The following RPL19 variants were observed in gnomAD, a reference collection of about 807,000 sequenced individuals.
RPL19 encodes the protein ribosomal protein L19.
In RPL19, 2 loss-of-function variants were observed where a neutral mutation model predicts 25.1. The ratio of observed to expected loss-of-function variants is 0.08; its 90% CI spans 0.03 to 0.25. The LOEUF is 0.25. Ranked by LOEUF, RPL19 falls within the 10% of genes least tolerant of loss-of-function variation. RPL19 has a pLI of 1.00. For synonymous variants in RPL19, 89 were observed against 91.2 expected, an observed-to-expected ratio of 0.98 and a Z score of 0.14; for missense variants, 123 against 271.8, an observed-to-expected ratio of 0.45 and a Z score of 3.85.
intron 2 of RPL19, among the ~76,000 whole-genome samples, chr17:39,201,744 G>A (rs1387558343): frequency 6.6e-6 from 1 of 151,922 alleles, no homozygotes; most frequent in Admixed American, 6.6e-5. Flanking sequence ...GCTAATTTTT[G>A]TATCTTTAGT....
intron 2 of RPL19, among the ~76,000 whole-genome samples, 159 bp from the exon 3 acceptor site, chr17:39,202,158 T>C (rs1441485492): frequency 7.9e-5 from 12 of 151,782 alleles, no homozygotes; most frequent in Non-Finnish European, 1.3e-4. Context: ...AAGATAGAGG[T>C]TTTTTGGGTT....
At position 39,202,330 on chromosome 17, in the gene RPL19, G is replaced by A. The variant is rs538421498; in HGVS notation, c.126G>A (p.Arg42=). 6.2e-7 allele frequency: 1 copy of A among 1,613,922 alleles called. No individual in the cohort carries two copies. The highest frequency in any genetic ancestry group is 2.2e-5 in the East Asian group (1 of 44,886). The part of the protein sequence containing the change: ...IANANSRQQI[R]KLIKDGLIIR... ...ATGCTTTCCCAGGTCAGCAGATCCG[G>A]AAGCTCATCAAAGATGGGCTGATCA... Residue 42 remains arginine, a synonymous_variant, in exon 3 of 6, where the codon CGG becomes CGA. Transcript: ENST00000225430.
intron 2 of RPL19, among the ~76,000 whole-genome samples, chr17:39,201,911 G>A (rs1482125928): frequency 1.3e-5 from 2 of 152,150 alleles, no homozygotes; most frequent in Non-Finnish European, 2.9e-5. Context: ...TTCATTCAGA[G>A]TGTCTATAAA....
rs1056527617 is a variant in RPL19 at position 39,202,607 on chromosome 17, T to C, written c.235+168T>C. ...CAGAAAGTTGGTGCTGGTATTGGAATTGAGAGTATCCCTGGTAGGAGGTCA... is the reference window on the plus strand; with the variant it reads ...CAGAAAGTTGGTGCTGGTATTGGAACTGAGAGTATCCCTGGTAGGAGGTCA... On this transcript the variant is annotated intron_variant, in intron 3 of 5. Transcript: ENST00000225430. The C allele has an allele frequency of 5.0e-6, 4 of 807,332 alleles. No homozygotes were observed. The African/African-American group carries it at 5.2e-5, about 10-fold the overall frequency. 50.0% of individuals were successfully genotyped at this position (807,332 alleles called of 1,614,324 possible).
intron 3 of RPL19, 112 bp downstream of exon 3, chr17:39,202,551 T>C: frequency 7.4e-7 from 1 of 1,345,726 alleles, no homozygotes; most frequent in Non-Finnish European, 1.0e-6. Context: ...TACTCCTTGA[T>C]ATTTGATGTG....
intron 3 of RPL19, 84 bp downstream of exon 3, chr17:39,202,523 C>T (rs537050825): frequency 7.3e-6 from 11 of 1,509,860 alleles, no homozygotes; most frequent in South Asian, 4.6e-5. Flanking sequence ...CACTCTGTCT[C>T]ATCTTGAGCC....
rs1420440386 is a variant in RPL19, at chr17:39,204,181, T to A, written c.461T>A (p.Leu154His). ...KLKADKARKK[L>H]LADQAEARRS... ...AAGGCAGACAAGGCCCGCAAGAAGC[T>A]CCTGGCGTAAGTTTCTTTTCAGAGT... Residue 154 changes from leucine (L) to histidine (H), a missense_variant, in exon 5 of 6, where the codon CTC becomes CAC. By Grantham distance (99) the Leu-to-His change is moderately conservative (BLOSUM62 -3). Transcript: ENST00000225430. 6.3e-7 allele frequency: 1 copy of A among 1,597,198 alleles called. No homozygotes were observed. Among genetic ancestry groups the A allele is most frequent in the South Asian group, 1.1e-5 (1 of 90,728 alleles).
intron 4 of RPL19, among the ~76,000 whole-genome samples, chr17:39,203,357 A>G (rs2046303725): frequency 6.6e-6 from 1 of 151,168 alleles, no homozygotes; most frequent in Non-Finnish European, 1.5e-5. Flanking sequence ...AATTTTTTGC[A>G]TTTTTAGTAG....
rs113117296 is a variant in RPL19, at chr17:39,204,728, C to G, written c.*80C>G. On this transcript the variant is annotated 3_prime_UTR_variant, in exon 6 of 6. Transcript: ENST00000225430. ...TAAAATAAAACAAGCCTTAATCTGC[C>G]TTCCTCTCTGCTTCTTGCAAGGTTT... The G allele has an allele frequency of 1.4e-6, 2 of 1,403,222 alleles. No homozygotes were observed. The highest frequency in any genetic ancestry group is 2.0e-6 in the Non-Finnish European group (2 of 1,015,864). The allele number at this position is 1,403,222 out of a possible 1,614,324, so 86.9% of individuals were successfully genotyped here.
At chr17:39,202,745 A>G (rs2046299862) in intron 3 of RPL19, 1 of 433,412 alleles carries the variant, frequency 2.3e-6, no homozygotes, top group Non-Finnish European at 4.2e-6. Flanking sequence ...ACTGCCTGTT[A>G]CACCCACATT....
chr17:39,201,785 T>C (rs961446479), intron 2 of RPL19, among the ~76,000 whole-genome samples: 1 of 152,070 alleles, frequency 6.6e-6, no homozygotes, highest in African/African-American at 2.4e-5. Flanking sequence ...TTGGTCAGGC[T>C]GGTCTCAAAC....
rs1177049738 is a variant in RPL19 at position 39,204,531 on chromosome 17, G to A, written c.474G>A (p.Gln158=). Reference sequence around the variant, plus strand: ...TTTTCTCTTCCCTGACCAGTGACCAGGCTGAGGCCCGCAGGTCTAAGACCA... The same window carrying A: ...TTTTCTCTTCCCTGACCAGTGACCAAGCTGAGGCCCGCAGGTCTAAGACCA... ...DKARKKLLAD[Q]AEARRSKTKE... Residue 158 remains glutamine, a synonymous_variant, in exon 6 of 6, where the codon CAG becomes CAA. Transcript: ENST00000225430. 6.2e-7 allele frequency: 1 copy of A among 1,614,004 alleles called. No individual in the cohort carries two copies. The highest frequency in any genetic ancestry group is 8.5e-7 in the Non-Finnish European group (1 of 1,180,006).
intron 1 of RPL19, chr17:39,200,836 A>T (rs531749207): frequency 1.1e-6 from 1 of 900,728 alleles, no homozygotes; most frequent in East Asian, 8.2e-5. Context: ...CTGTGATAAA[A>T]CAGGGAAATA....
intron 3 of RPL19, 104 bp downstream of exon 3, chr17:39,202,543 C>A (rs1321435453): frequency 4.3e-6 from 6 of 1,400,478 alleles, no homozygotes; most frequent in East Asian, 4.6e-5. Flanking sequence ...CTGTTTCTTA[C>A]TCCTTGATAT....
At chr17:39,202,541 T>A in intron 3 of RPL19, 102 bp downstream of exon 3, 1 of 1,403,932 alleles carries the variant, frequency 7.1e-7, no homozygotes, top group South Asian at 1.2e-5. Context: ...GCCTGTTTCT[T>A]ACTCCTTGAT....
rs114724918 is a variant in RPL19, at chr17:39,200,795, A to G, written c.6-418A>G. The G allele has an allele frequency of 1.2e-3, 1,242 of 1,020,174 alleles. 7 individuals carry two copies. In the African/African-American group the frequency reaches 0.019, roughly 16 times the overall value. 63.2% of individuals were successfully genotyped at this position (1,020,174 alleles called of 1,614,324 possible). A position where few individuals can be genotyped will look rare whatever the true frequency, so the allele number is the denominator to read the frequency against. The stretch of plus-strand genomic sequence containing the variant: ...ACTCCTTTGGCCTCTCATAAAGGAA[A>G]TCTCTGCGAATAGCCGAACGAGGCT... On this transcript the variant is annotated intron_variant, in intron 1 of 5. Coordinates refer to ENST00000225430, the MANE Select transcript of RPL19 (RefSeq NM_000981.4).
Position 39,201,150 on chromosome 17 carries a change from G to A in RPL19, c.6-63G>A, listed in dbSNP as rs2046284945. 4.6e-6 allele frequency: 5 copies of A among 1,080,602 alleles called. No individual in the cohort carries two copies. The African/African-American group carries it at 6.3e-5, about 14-fold the overall frequency. 66.9% of individuals were successfully genotyped at this position (1,080,602 alleles called of 1,614,324 possible). ...TGGGTCACAAAGGGCAGGTCTTGAT[G>A]GGGACGTTCATTCTTGCCCAGGATT... is the stretch of plus-strand genomic sequence containing the variant. On this transcript the variant is annotated intron_variant, in intron 1 of 5. Transcript: ENST00000225430.
intron 2 of RPL19, 25 bp from the exon 3 acceptor site, chr17:39,202,292 G>A (rs1226400151): frequency 1.9e-6 from 3 of 1,612,322 alleles, no homozygotes; most frequent in East Asian, 2.2e-5. Context: ...CCAGTTGACT[G>A]ACCAGGTGCA....
chr17:39,202,225 A>G (rs2046295394), intron 2 of RPL19, 92 bp from the exon 3 acceptor site: 3 of 1,508,230 alleles, frequency 2.0e-6, no homozygotes, highest in South Asian at 1.2e-5. Context: ...CGTGGGGCCA[A>G]GAATGTGAGC....
Sources: allele counts gnomAD v4.1 joint callset (sites outside exome capture counted in the v4.1 genomes callset), GRCh38; gene constraint gnomAD v4.1.1; transcripts MANE v1.5; gene names NCBI Gene and HGNC (gene_info 2026-07-23, HGNC 2026-07-21).